The following FAM186B variants were observed in gnomAD, a reference collection of about 807,000 sequenced individuals.
The protein encoded by FAM186B is family with sequence similarity 186 member B.
A neutral mutation model predicts 83.4 loss-of-function variants in FAM186B; 68 were observed. The observed-to-expected ratio is 0.81, with a 90% CI of 0.67 to 1.00. FAM186B has a LOEUF of 1.00. FAM186B is among the 50% of genes least tolerant of loss of function. FAM186B has a pLI of 0.00. For missense variants in FAM186B, 983 were observed against 1,099.2 expected, an observed-to-expected ratio of 0.89 and a Z score of 1.49; for synonymous variants, 389 against 422.0, an observed-to-expected ratio of 0.92 and a Z score of 0.96.
At chr12:49,604,916 A>C (rs1430481416) in intron 1 of FAM186B, among the ~76,000 whole-genome samples, 2 of 152,270 alleles carry the variant, frequency 1.3e-5, no homozygotes, top group South Asian at 2.1e-4. Flanking sequence ...GAAGCTTGGA[A>C]AAGTGAGGCC....
At position 49,601,151 on chromosome 12, in the gene FAM186B, G is replaced by GA; in HGVS notation, c.506-18dup. On this transcript the variant is annotated splice_polypyrimidine_tract_variant and intron_variant, in intron 3 of 6. Coordinates refer to ENST00000257894, the MANE Select transcript of FAM186B (RefSeq NM_032130.3). ...GTTTGGACACTGGGACAGGTAGAGA[G>GA]AAAAAAGTCAACGATTTCTCATGGG... 6.6e-7 allele frequency: 1 copy of GA among 1,523,486 alleles called. No homozygotes were observed. The highest frequency in any genetic ancestry group is 8.8e-7 in the Non-Finnish European group (1 of 1,135,692). The allele number at this position is 1,523,486 out of a possible 1,614,324, so 94.4% of individuals were successfully genotyped here. A position where few individuals can be genotyped will look rare whatever the true frequency, so the allele number is the denominator to read the frequency against.
chr12:49,601,528 C>T (rs1432754343), intron 3 of FAM186B, among the ~76,000 whole-genome samples: 1 of 152,180 alleles, frequency 6.6e-6, no homozygotes, highest in Non-Finnish European at 1.5e-5. Context: ...CCCTTACACC[C>T]AACTAGGAAG....
chr12:49,621,030 T>C, the FAM186B span, among the ~76,000 whole-genome samples: 280 of 151,946 alleles, frequency 1.8e-3, no homozygotes, highest in African/African-American at 6.3e-3. Context: ...TAAGTGACCA[T>C]GTCAAAAAAA....
At chr12:49,607,037 A>G (rs1315808502), upstream of FAM186B, among the ~76,000 whole-genome samples, 2 of 152,236 alleles carry the variant, frequency 1.3e-5, no homozygotes, top group Non-Finnish European at 2.9e-5. Context: ...TGAGTCAAAA[A>G]AGAAATCACA....
intron 5 of FAM186B, among the ~76,000 whole-genome samples, chr12:49,589,132 G>A (rs1366739375): frequency 1.3e-5 from 2 of 152,192 alleles, no homozygotes; most frequent in Non-Finnish European, 2.9e-5. Flanking sequence ...ACTGGTATAA[G>A]GTGATATGAA....
intron 5 of FAM186B, among the ~76,000 whole-genome samples, chr12:49,589,363 G>T (rs1939526244): frequency 6.6e-6 from 1 of 152,200 alleles, no homozygotes; most frequent in South Asian, 2.1e-4. Context: ...GGCACTTGCT[G>T]CTTTTCTGCT....
At chr12:49,607,458 C>A (rs942975497), upstream of FAM186B, among the ~76,000 whole-genome samples, 2 of 151,910 alleles carry the variant, frequency 1.3e-5, no homozygotes, top group African/African-American at 4.8e-5. Flanking sequence ...ACATACGTAA[C>A]CTATCGATGC....
At chr12:49,621,604 G>C in the FAM186B span, among the ~76,000 whole-genome samples, 1 of 152,204 alleles carries the variant, frequency 6.6e-6, no homozygotes, top group Non-Finnish European at 1.5e-5. Context: ...ATTTGAGGTA[G>C]AGTTTGTGAG....
rs376716288 is a variant in FAM186B at position 49,599,899 on chromosome 12, T to C, written c.1741A>G (p.Ser581Gly). ...CTTTGGTGAGCAGATTGGGTCCGGC[T>C]TGGGGCAGGCACTAATGATAGCTCT... is the stretch of plus-strand genomic sequence containing the variant. ...KAELSLVPAP[S>G]RTQSAHQSRR... is the part of the protein sequence containing the mutation. The change falls in exon 4 of 7, where the codon AGC (serine) becomes GGC (glycine). Residue 581 changes from serine (S) to glycine (G), a missense_variant. Ser to Gly is a moderately conservative substitution (Grantham distance 56). Coordinates refer to ENST00000257894, the MANE Select transcript of FAM186B (RefSeq NM_032130.3). 28 of 1,612,106 alleles carry C rather than the reference T, an allele frequency of 1.7e-5. No homozygotes were observed. In the African/African-American group the frequency reaches 3.5e-4, roughly 20 times the overall value.
downstream of FAM186B, among the ~76,000 whole-genome samples, chr12:49,584,829 G>A (rs1411609534): frequency 6.6e-6 from 1 of 152,158 alleles, no homozygotes; most frequent in Non-Finnish European, 1.5e-5. Flanking sequence ...CCTCACAAAA[G>A]ACTTCCTCTT....
chr12:49,618,822 G>A, the FAM186B span, among the ~76,000 whole-genome samples: 2,732 of 152,212 alleles, frequency 0.018, 71 homozygotes, highest in African/African-American at 0.057. Context: ...GTTCCAAAAA[G>A]GAAAGAATAG....
upstream of FAM186B, among the ~76,000 whole-genome samples, chr12:49,609,433 A>G (rs548936810): frequency 1.6e-4 from 24 of 152,292 alleles, no homozygotes; most frequent in African/African-American, 5.3e-4. Flanking sequence ...AATTTGGAGC[A>G]CCTGCTTGCC....
chr12:49,616,789 G>T, the FAM186B span, among the ~76,000 whole-genome samples: 1 of 152,304 alleles, frequency 6.6e-6, no homozygotes, highest in African/African-American at 2.4e-5. Flanking sequence ...ATGGTCACAT[G>T]ACTGGATACA....
chr12:49,604,885 C>T (rs954734749), intron 1 of FAM186B, among the ~76,000 whole-genome samples: 1 of 152,118 alleles, frequency 6.6e-6, no homozygotes. Context: ...TGTCTTTCCT[C>T]ACAAGGATCC....
At chr12:49,604,608 G>A in intron 1 of FAM186B, 70 bp from the exon 2 acceptor site, 1 of 1,334,038 alleles carries the variant, frequency 7.5e-7, no homozygotes, top group South Asian at 1.2e-5. Flanking sequence ...CTAGCAGCGT[G>A]ACCTTGGACA....
chr12:49,600,956 C>T lies in FAM186B; in HGVS notation c.684G>A (p.Gly228=). Residue 228 remains glycine, a synonymous_variant, in exon 4 of 7, where the codon GGG becomes GGA. Transcript: ENST00000257894. This position sits in a 1 kb window ranked among gnomAD's most constrained non-coding sequence, Gnocchi z 4.3. ...ELLDSTMFSK[G]EVRAIRYMAT... ...CCATGTACCTGATGGCCCTGACCTC[C>T]CCCTTGCTGAACATGGTAGAGTCCA... 1 of 1,614,056 alleles carries T rather than the reference C, an allele frequency of 6.2e-7. No homozygotes were observed. The highest frequency in any genetic ancestry group is 8.5e-7 in the Non-Finnish European group (1 of 1,179,962).
chr12:49,600,948 C>A lies in FAM186B; in HGVS notation c.692G>T (p.Arg231Met). The A allele has an allele frequency of 6.2e-7, 1 of 1,614,074 alleles. No individual in the cohort carries two copies. Among genetic ancestry groups the A allele is most frequent in the Non-Finnish European group, 8.5e-7 (1 of 1,179,954 alleles). The change falls in exon 4 of 7, where the codon AGG becomes ATG. Residue 231 changes from arginine to methionine, a missense_variant. By Grantham distance (91) the Arg-to-Met change is moderately conservative (BLOSUM62 -1). Transcript: ENST00000257894. The surrounding 1 kb of genome is among the most constrained non-coding windows in gnomAD (Gnocchi z 4.3). ...CACAGTGGCCATGTACCTGATGGCC[C>A]TGACCTCCCCCTTGCTGAACATGGT... is the stretch of plus-strand genomic sequence containing the variant. ...DSTMFSKGEV[R>M]AIRYMATVVE...
chr12:49,622,194 G>T, the FAM186B span, among the ~76,000 whole-genome samples: 7 of 152,124 alleles, frequency 4.6e-5, no homozygotes, highest in African/African-American at 1.7e-4. Flanking sequence ...GCCGCCGGTG[G>T]TCCGTCCTCC....
the FAM186B span, among the ~76,000 whole-genome samples, chr12:49,620,314 G>A: frequency 6.6e-6 from 1 of 152,020 alleles, no homozygotes; most frequent in South Asian, 2.1e-4. Context: ...ATTTGCCCCA[G>A]TTAATTTAAC....
Sources: gnomAD v4.1 joint callset for allele counts (sites outside exome capture counted in the v4.1 genomes callset) on GRCh38, gnomAD v4.1.1 for gene constraint, Gnocchi (gnomAD v3.1) non-coding constraint, MANE v1.5 for transcripts, NCBI Gene and HGNC (gene_info 2026-07-23, HGNC 2026-07-21) for gene names.